Variants in DCLK1 observed in about 807,000 individuals in gnomAD.
The protein encoded by DCLK1 is serine/threonine-protein kinase DCLK1.
A neutral mutation model predicts 86.2 loss-of-function variants in DCLK1; 16 were observed. That is an observed-to-expected ratio of 0.19 (90% confidence interval 0.13 to 0.28). The LOEUF (loss-of-function observed/expected upper bound fraction) is 0.28, where lower values mean the gene tolerates loss of function less well. DCLK1 is among the 10% of genes least tolerant of loss of function. The probability of loss-of-function intolerance (pLI) is 1.00; values close to 1 mark genes in which losing one functional copy is unlikely to be tolerated. For synonymous variants in DCLK1, 369 were observed against 370.5 expected, an observed-to-expected ratio of 1.00 and a Z score of 0.05; for missense variants, 590 against 940.2, an observed-to-expected ratio of 0.63 and a Z score of 4.87.
chr13:36,100,085 G>A (rs1033845679), intron 3 of DCLK1, among the ~76,000 whole-genome samples: 1 of 143,994 alleles, frequency 6.9e-6, no homozygotes, highest in African/African-American at 2.6e-5. Context: ...GCTCACACCT[G>A]TAATCCCAGC....
chr13:35,996,515 G>A (rs1880484569), intron 3 of DCLK1, among the ~76,000 whole-genome samples: 1 of 152,138 alleles, frequency 6.6e-6, no homozygotes, highest in South Asian at 2.1e-4. Context: ...TGTAATGCAG[G>A]TGGGCCTCAT....
chr13:36,008,741 T>C (rs1014261481), intron 3 of DCLK1, among the ~76,000 whole-genome samples: 2 of 150,956 alleles, frequency 1.3e-5, no homozygotes, highest in African/African-American at 4.9e-5. Context: ...ATATACCCAG[T>C]AATGGGATGG....
chr13:35,977,093 A>C (rs918141848), intron 3 of DCLK1, among the ~76,000 whole-genome samples: 4 of 151,078 alleles, frequency 2.6e-5, no homozygotes, highest in African/African-American at 9.7e-5. Flanking sequence ...AAATGACAAA[A>C]ATAAAATGCT....
At chr13:36,013,961 A>ACAATATTCGCCAGGTGCG (rs1165200651) in intron 3 of DCLK1, among the ~76,000 whole-genome samples, 1 of 152,056 alleles carries the variant, frequency 6.6e-6, no homozygotes, top group African/African-American at 2.4e-5. Flanking sequence ...TCTGAAAAGC[A>ACAATATTCGCCAGGTGCG]CAATATTCGC....
At position 35,973,060 on chromosome 13, in the gene DCLK1, G is replaced by A. The variant is rs938928069; in HGVS notation, c.724-25603C>T. On this transcript the variant is annotated intron_variant, in intron 3 of 16. Coordinates refer to ENST00000360631, the MANE Select transcript of DCLK1 (RefSeq NM_001330071.2). Reference sequence around the variant, plus strand: ...GGGCCCACAGCAGAGGAGCTTCCACGAAGACAGAGAAAGAAAGATGGAGAA... The same window carrying A: ...GGGCCCACAGCAGAGGAGCTTCCACAAAGACAGAGAAAGAAAGATGGAGAA... Among the ~76,000 whole-genome samples the A allele has an allele frequency of 3.9e-5, 6 of 152,136 alleles. No homozygotes were observed. The South Asian group carries it at 1.0e-3, about 26-fold the overall frequency.
intron 4 of DCLK1, among the ~76,000 whole-genome samples, chr13:35,879,686 C>T (rs1250739012): frequency 2.0e-5 from 3 of 152,162 alleles, no homozygotes; most frequent in African/African-American, 7.2e-5. Flanking sequence ...TGAGTTTCAA[C>T]CCCGGGGGAA....
intron 16 of DCLK1, among the ~76,000 whole-genome samples, chr13:35,781,283 G>A (rs1024310441): frequency 6.6e-6 from 1 of 152,146 alleles, no homozygotes; most frequent in Non-Finnish European, 1.5e-5. Context: ...TTTTGTCCTA[G>A]TTCAGCTAAT....
At position 35,927,561 on chromosome 13, in the gene DCLK1, T is replaced by TC. The variant is rs539902112; in HGVS notation, c.823+19796dup. 2.4e-3 allele frequency among the ~76,000 whole-genome samples: 358 copies of TC among 152,282 alleles called. 1 individual carries two copies. Among genetic ancestry groups the TC allele is most frequent in the Non-Finnish European group, 3.4e-3 (229 of 68,020 alleles). ...CATTACAGAATTAGCGTGGATATCC[T>TC]CCCCCAGATCTTGACAGCTTCCATG... is the stretch of plus-strand genomic sequence containing the variant. On this transcript the variant is annotated intron_variant, in intron 4 of 16. Coordinates refer to ENST00000360631, the MANE Select transcript of DCLK1 (RefSeq NM_001330071.2).
At chr13:35,851,558 T>C (rs1870641357) in intron 6 of DCLK1, among the ~76,000 whole-genome samples, 1 of 152,114 alleles carries the variant, frequency 6.6e-6, no homozygotes, top group Non-Finnish European at 1.5e-5. Flanking sequence ...GGGAGCTTCA[T>C]TCAGCCTACA....
At position 35,974,527 on chromosome 13, in the gene DCLK1, G is replaced by A. The variant is rs932091707; in HGVS notation, c.724-27070C>T. ...GGTGAGGTAATTGGATCTTGGGGGC[G>A]GATATCCCCCTTGCTGTTCTCGTGA... On this transcript the variant is annotated intron_variant, in intron 3 of 16. Transcript: ENST00000360631. Among the ~76,000 whole-genome samples the A allele has an allele frequency of 4.6e-5, 7 of 152,126 alleles. No individual in the cohort carries two copies. The South Asian group carries it at 6.2e-4, about 14-fold the overall frequency.
intron 3 of DCLK1, among the ~76,000 whole-genome samples, chr13:35,958,130 TACTATA>T (rs1878168143): frequency 6.3e-5 from 1 of 15,798 alleles, no homozygotes; most frequent in Non-Finnish European, 1.2e-4. Context: ...CCACTACCAC[TACTATA>T]ACCACCACCA....
chr13:35,836,209 T>G (rs2153107472), intron 7 of DCLK1, 68 bp from the exon 8 acceptor site: 4 of 1,314,854 alleles, frequency 3.0e-6, no homozygotes, highest in East Asian at 2.3e-5. Context: ...AGGAAACATT[T>G]AAAAGTATCA....
Position 35,773,371 on chromosome 13 carries a change from G to A in DCLK1, c.*1164C>T, listed in dbSNP as rs1226702770. The A allele has an allele frequency of 6.6e-6, 1 of 152,078 alleles. No homozygotes were observed. Among genetic ancestry groups the A allele is most frequent in the Non-Finnish European group, 1.5e-5 (1 of 67,984 alleles). The allele number at this position is 152,078 out of a possible 1,614,324, so 9.4% of individuals were successfully genotyped here. ...GTCTTTCATCCTGATCTTCCTAGGA[G>A]ACTATATAGGTAACCTAAAGGTGCA... On this transcript the variant is annotated 3_prime_UTR_variant, in exon 17 of 17. Coordinates refer to ENST00000360631, the MANE Select transcript of DCLK1 (RefSeq NM_001330071.2).
chr13:35,914,369 GTATA>G (rs34226717), intron 4 of DCLK1, among the ~76,000 whole-genome samples: 24,226 of 116,950 alleles, frequency 0.21, 2,961 homozygotes, highest in African/African-American at 0.3. Flanking sequence ...ATATATATAT[GTATA>G]TATATATATA....
chr13:35,850,459 G>A, intron 6 of DCLK1: 3 of 1,141,860 alleles, frequency 2.6e-6, no homozygotes, highest in Non-Finnish European at 1.1e-6. Context: ...TCTAGAGCCA[G>A]GCCCTGTACA....
intron 6 of DCLK1, chr13:35,847,523 A>G: frequency 1.0e-6 from 1 of 985,062 alleles, no homozygotes; most frequent in South Asian, 4.7e-5. Context: ...TTAGCAGTCC[A>G]AGAATTAAAA....
chr13:36,054,672 A>G (rs1419273623), intron 3 of DCLK1, among the ~76,000 whole-genome samples: 3 of 152,168 alleles, frequency 2.0e-5, no homozygotes. Flanking sequence ...AAAGGCCTCT[A>G]TGAGGAGGTA....
At chr13:35,820,501 C>T (rs992078943) in intron 11 of DCLK1, among the ~76,000 whole-genome samples, 1 of 152,116 alleles carries the variant, frequency 6.6e-6, no homozygotes. Flanking sequence ...AAGTGCACTC[C>T]AATGTAATCA....
chr13:35,950,610 A>C (rs1020801471), intron 3 of DCLK1, among the ~76,000 whole-genome samples: 1 of 152,214 alleles, frequency 6.6e-6, no homozygotes, highest in African/African-American at 2.4e-5. Context: ...TTACAAAGGG[A>C]TAGTGACAAT....
Sources: allele counts gnomAD v4.1 joint callset (sites outside exome capture counted in the v4.1 genomes callset), GRCh38; gene constraint gnomAD v4.1.1; transcripts MANE v1.5; gene names NCBI Gene and HGNC (gene_info 2026-07-23, HGNC 2026-07-21).